The following SVEP1 variants were observed in gnomAD, a reference collection of about 807,000 sequenced individuals.
The protein encoded by SVEP1 is sushi, von Willebrand factor type A, EGF and pentraxin domain-containing protein 1.
SVEP1 carries 164 observed loss-of-function variants against 367.3 expected under a neutral mutation model. The observed-to-expected ratio is 0.45, with a 90% CI of 0.39 to 0.51. The LOEUF is 0.51. Among genes scored for constraint, SVEP1 ranks in the 20% least tolerant of loss-of-function variants. The pLI, the probability that SVEP1 is intolerant of heterozygous loss-of-function variation, is 0.00. For synonymous variants in SVEP1, 1,666 were observed against 1,611.6 expected, an observed-to-expected ratio of 1.03 and a Z score of -0.81; for missense variants, 4,117 against 4,425.3, an observed-to-expected ratio of 0.93 and a Z score of 1.98.
chr9:110,492,791 C>A (rs933323946), intron 8 of SVEP1, among the ~76,000 whole-genome samples: 1 of 152,026 alleles, frequency 6.6e-6, no homozygotes, highest in African/African-American at 2.4e-5. Context: ...GAAAAGGAGA[C>A]CAGCATCCCA....
intron 46 of SVEP1, among the ~76,000 whole-genome samples, chr9:110,374,581 C>A (rs1308983749): frequency 6.6e-6 from 1 of 152,142 alleles, no homozygotes; most frequent in Non-Finnish European, 1.5e-5. Flanking sequence ...ACCTGGGAGG[C>A]AGAGGTTTCA....
intron 37 of SVEP1, 131 bp downstream of exon 37, chr9:110,410,932 A>G (rs1828034703): frequency 1.3e-5 from 9 of 679,914 alleles, no homozygotes; most frequent in Non-Finnish European, 1.9e-5. Flanking sequence ...TTTGTTAGTG[A>G]TAATAGTAAA....
rs566750605 is a variant in SVEP1, at chr9:110,431,963, T to C, written c.5305A>G (p.Ile1769Val). ...GTGTACGGTGGGACACATGAACATA[T>C]GTAGGATCCATCTACGTTCAGGCAA... is the stretch of plus-strand genomic sequence containing the variant. ...ASCLNVDGSY[I>V]CSCVPPYTGD... Residue 1769 changes from isoleucine (I) to valine (V), a missense_variant, in exon 32 of 48, where the codon ATA becomes GTA. Transcript: ENST00000374469. 1.1e-5 allele frequency: 18 copies of C among 1,613,610 alleles called. No individual in the cohort carries two copies. In the South Asian group the frequency reaches 1.5e-4, roughly 14 times the overall value.
chr9:110,451,899 A>G lies in SVEP1; in HGVS notation c.3788-497T>C, dbSNP rs527583445. 1.6e-4 allele frequency among the ~76,000 whole-genome samples: 24 copies of G among 152,346 alleles called. 1 individual carries two copies. In the South Asian group the frequency reaches 4.8e-3, roughly 30 times the overall value. ...TGTTTTGTGTGAACATAATTTGGGAACAACTAATGTTATTCATAGCCTTTA... is the reference window on the plus strand; with the variant it reads ...TGTTTTGTGTGAACATAATTTGGGAGCAACTAATGTTATTCATAGCCTTTA... On this transcript the variant is annotated intron_variant, in intron 22 of 47. Coordinates refer to ENST00000374469, the MANE Select transcript of SVEP1 (RefSeq NM_153366.4).
intron 10 of SVEP1, among the ~76,000 whole-genome samples, chr9:110,483,004 A>G (rs1008631887): frequency 6.6e-6 from 1 of 150,780 alleles, no homozygotes; most frequent in African/African-American, 2.5e-5. Context: ...TTTTTGACAA[A>G]CAACTGATTT....
chr9:110,439,121 C>T (rs1017252797), intron 27 of SVEP1, among the ~76,000 whole-genome samples: 2 of 152,178 alleles, frequency 1.3e-5, no homozygotes, highest in Non-Finnish European at 2.9e-5. Context: ...GAAGCCCTAA[C>T]TCCCACCATG....
chr9:110,537,203 G>A (rs556921883), intron 3 of SVEP1, among the ~76,000 whole-genome samples: 2 of 152,006 alleles, frequency 1.3e-5, no homozygotes, highest in Admixed American at 1.3e-4. Context: ...CAAGTCCCAT[G>A]TACATATTTA....
At chr9:110,529,968 C>G (rs1273200336) in intron 3 of SVEP1, among the ~76,000 whole-genome samples, 1 of 151,950 alleles carries the variant, frequency 6.6e-6, no homozygotes, top group African/African-American at 2.4e-5. Flanking sequence ...AAACTTTTTC[C>G]CACTTAGTAT....
intron 1 of SVEP1, among the ~76,000 whole-genome samples, chr9:110,551,412 T>C (rs2118853474): frequency 6.6e-6 from 1 of 152,342 alleles, no homozygotes; most frequent in South Asian, 2.1e-4. Flanking sequence ...CTGCTAAACC[T>C]GAATTTAAGG....
intron 43 of SVEP1, among the ~76,000 whole-genome samples, chr9:110,380,648 G>GTTTTC (rs1231777880): frequency 2.0e-5 from 3 of 151,986 alleles, no homozygotes; most frequent in Non-Finnish European, 2.9e-5. Context: ...TTGGCCTGAA[G>GTTTTC]TTTTCTTTTT....
chr9:110,538,783 T>G (rs1830109045), intron 3 of SVEP1, among the ~76,000 whole-genome samples: 1 of 152,048 alleles, frequency 6.6e-6, no homozygotes, highest in Admixed American at 6.6e-5. Context: ...CTCTATACTT[T>G]GTGTCTCTCA....
intron 36 of SVEP1, among the ~76,000 whole-genome samples, chr9:110,414,495 T>A (rs951947990): frequency 6.6e-6 from 1 of 152,010 alleles, no homozygotes; most frequent in African/African-American, 2.4e-5. Context: ...GTTCTTTGTA[T>A]GAAGATCTGA....
chr9:110,495,394 C>T (rs577595121), intron 8 of SVEP1, among the ~76,000 whole-genome samples: 1 of 152,058 alleles, frequency 6.6e-6, no homozygotes, highest in East Asian at 1.9e-4. Flanking sequence ...TCTCAAGGGT[C>T]CTTATAAGGG....
intron 5 of SVEP1, among the ~76,000 whole-genome samples, chr9:110,511,488 CTTTTTTTTTTTTTTTTTT>C (rs199993986): frequency 1.8e-4 from 14 of 77,576 alleles, no homozygotes; most frequent in South Asian, 1.6e-3. Flanking sequence ...GTGTCAGTAC[CTTTTTTTTTTTTTTTTTT>C]TTTTTTTTTT....
intron 3 of SVEP1, among the ~76,000 whole-genome samples, chr9:110,539,350 A>G (rs1427837258): frequency 6.6e-6 from 1 of 152,156 alleles, no homozygotes; most frequent in Non-Finnish European, 1.5e-5. Flanking sequence ...CTCAAAGAAT[A>G]AAGGAGAGGT....
intron 3 of SVEP1, among the ~76,000 whole-genome samples, chr9:110,528,087 T>TATAC (rs1554721433): frequency 1.3e-4 from 19 of 144,322 alleles, no homozygotes; most frequent in South Asian, 8.7e-4. Flanking sequence ...TATATATATA[T>TATAC]ACACACACAC....
At chr9:110,535,068 G>C (rs1157981811) in intron 3 of SVEP1, among the ~76,000 whole-genome samples, 1 of 151,980 alleles carries the variant, frequency 6.6e-6, no homozygotes, top group African/African-American at 2.4e-5. Flanking sequence ...ATTGCTTTTG[G>C]TGTCTTGTCA....
chr9:110,528,850 TTACA>T (rs1251047158), intron 3 of SVEP1, among the ~76,000 whole-genome samples: 4 of 151,638 alleles, frequency 2.6e-5, no homozygotes, highest in Non-Finnish European at 5.9e-5. Context: ...AAAATTTAAA[TTACA>T]TTTATTAATT....
At chr9:110,438,655 G>A (rs139507013) in intron 27 of SVEP1, among the ~76,000 whole-genome samples, 18 of 152,218 alleles carry the variant, frequency 1.2e-4, no homozygotes, top group East Asian at 3.9e-4. Flanking sequence ...ATAATTATAC[G>A]TATGTTTGAA....
Sources: allele counts gnomAD v4.1 joint callset (sites outside exome capture counted in the v4.1 genomes callset), GRCh38; gene constraint gnomAD v4.1.1; transcripts MANE v1.5; gene names NCBI Gene and HGNC (gene_info 2026-07-23, HGNC 2026-07-21).